The following SOX6 variants were observed in gnomAD, a reference collection of about 807,000 sequenced individuals.
SOX6 encodes the protein SRY-box transcription factor 6, also known as transcription factor SOX-6.
Under a neutral mutation model 97.8 loss-of-function variants are expected in SOX6, and 11 were observed. The ratio of observed to expected loss-of-function variants is 0.11; its 90% CI spans 0.07 to 0.19. The LOEUF (loss-of-function observed/expected upper bound fraction) is 0.19. Among genes scored for constraint, SOX6 ranks in the 10% least tolerant of loss-of-function variants. The pLI, the probability that SOX6 is intolerant of heterozygous loss-of-function variation, is 1.00. For missense variants in SOX6, 810 were observed against 1,039.5 expected (o/e 0.78, Z 3.04); for synonymous variants, 360 against 371.4 (o/e 0.97, Z 0.35).
chr11:16,246,100 G>A (rs1227967763), intron 3 of SOX6, among the ~76,000 whole-genome samples: 1 of 150,810 alleles, frequency 6.6e-6, no homozygotes, highest in East Asian at 2.0e-4. Context: ...TTGATCCAGG[G>A]TTTATTATAT....
chr11:16,167,464 G>A (rs1850916852), intron 6 of SOX6, among the ~76,000 whole-genome samples: 1 of 152,066 alleles, frequency 6.6e-6, no homozygotes, highest in African/African-American at 2.4e-5. Context: ...CAAAACCCAA[G>A]TCAGGGCACG....
At chr11:16,671,672 C>T (rs961563204) in intron 3 of SOX6, among the ~76,000 whole-genome samples, 5 of 152,174 alleles carry the variant, frequency 3.3e-5, no homozygotes, top group African/African-American at 7.2e-5. Context: ...ATCTACTAAT[C>T]GTTGGCATCC....
chr11:16,479,710 A>G (rs1384879488), upstream of SOX6, among the ~76,000 whole-genome samples: 1 of 152,050 alleles, frequency 6.6e-6, no homozygotes, highest in Non-Finnish European at 1.5e-5. Flanking sequence ...CTGGACAAAA[A>G]CTGGTATTGG....
At chr11:16,284,621 C>G (rs1854677859) in intron 3 of SOX6, among the ~76,000 whole-genome samples, 1 of 152,078 alleles carries the variant, frequency 6.6e-6, no homozygotes, top group Non-Finnish European at 1.5e-5. Flanking sequence ...AAACACGGTG[C>G]CCTTCCCTGG....
At chr11:16,304,707 A>G (rs1407112153) in intron 3 of SOX6, among the ~76,000 whole-genome samples, 1 of 152,160 alleles carries the variant, frequency 6.6e-6, no homozygotes, top group Non-Finnish European at 1.5e-5. Flanking sequence ...TTGTTGACTC[A>G]TTAGTTCTAA....
chr11:16,421,149 T>G (rs964358327), intron 1 of SOX6, among the ~76,000 whole-genome samples: 3 of 152,244 alleles, frequency 2.0e-5, no homozygotes, highest in Admixed American at 1.3e-4. Flanking sequence ...CGAGCAAATA[T>G]GAAGACAATT....
At chr11:16,503,171 G>A (rs1200146880) in intron 4 of SOX6, among the ~76,000 whole-genome samples, 10 of 151,330 alleles carry the variant, frequency 6.6e-5, no homozygotes, top group African/African-American at 2.4e-4. Context: ...AAAACTGAGG[G>A]AATTCATCAC....
At chr11:16,103,263 T>C (rs1406743113) in intron 7 of SOX6, among the ~76,000 whole-genome samples, 2 of 151,506 alleles carry the variant, frequency 1.3e-5, no homozygotes, top group Non-Finnish European at 2.9e-5. Context: ...CCAATGATCA[T>C]ATAAAAAAAA....
intron 2 of SOX6, among the ~76,000 whole-genome samples, chr11:16,336,966 C>T (rs951695868): frequency 6.6e-6 from 1 of 152,138 alleles, no homozygotes; most frequent in African/African-American, 2.4e-5. Flanking sequence ...CAGTAATTCT[C>T]TATCACATGT....
chr11:16,152,803 A>G (rs1400943085), intron 6 of SOX6, among the ~76,000 whole-genome samples: 1 of 151,900 alleles, frequency 6.6e-6, no homozygotes, highest in East Asian at 1.9e-4. Flanking sequence ...TCTATCGCCC[A>G]GGCGATTCTC....
chr11:16,104,700 TG>T (rs1468295820), intron 7 of SOX6, among the ~76,000 whole-genome samples: 2 of 151,620 alleles, frequency 1.3e-5, no homozygotes, highest in Admixed American at 6.6e-5. Flanking sequence ...AAACAAATGG[TG>T]CTCAATAAAT....
rs59320140 is a variant in SOX6 at position 16,567,561 on chromosome 11, C to CTTTTTTTTTT, written n.609+44510_609+44519dup. 1.4e-3 allele frequency among the ~76,000 whole-genome samples: 122 copies of CTTTTTTTTTT among 87,326 alleles called. 2 individuals carry two copies. The highest frequency in any genetic ancestry group is 1.9e-3 in the Admixed American group (12 of 6,348). 57.3% of individuals were successfully genotyped at this position (87,326 alleles called of 152,430 possible). ...TATTAATGGTATGTCATATTTTTTT[C>CTTTTTTTTTT]TTTTTTTTTTTTTTTTTTTTTTTTT... On this transcript the variant is annotated intron_variant and non_coding_transcript_variant, in intron 4 of 5. Transcript: ENST00000524520.
At chr11:16,328,430 G>A (rs1856171663) in intron 2 of SOX6, among the ~76,000 whole-genome samples, 1 of 152,128 alleles carries the variant, frequency 6.6e-6, no homozygotes, top group Non-Finnish European at 1.5e-5. Context: ...ACCATGGACT[G>A]GCAACTCAAC....
intron 7 of SOX6, among the ~76,000 whole-genome samples, chr11:16,110,037 T>A (rs1849191154): frequency 6.6e-6 from 1 of 152,188 alleles, no homozygotes; most frequent in South Asian, 2.1e-4. Flanking sequence ...ATCTCATTAA[T>A]GCTGTTAGAG....
intron 4 of SOX6, among the ~76,000 whole-genome samples, chr11:16,592,468 A>C (rs1848165125): frequency 6.6e-6 from 1 of 151,856 alleles, no homozygotes; most frequent in South Asian, 2.1e-4. Context: ...TTAATTATCA[A>C]ACATATTTAC....
At chr11:16,479,210 G>A (rs553045243), upstream of SOX6, among the ~76,000 whole-genome samples, 12 of 152,230 alleles carry the variant, frequency 7.9e-5, no homozygotes, top group African/African-American at 2.6e-4. Flanking sequence ...AATAAAAAAT[G>A]CATTGCTACA....
intron 3 of SOX6, among the ~76,000 whole-genome samples, chr11:16,644,578 G>A (rs1390160420): frequency 6.6e-6 from 1 of 151,266 alleles, no homozygotes; most frequent in Non-Finnish European, 1.5e-5. Context: ...TCATTCCAAG[G>A]TTATTGGGGG....
intron 7 of SOX6, among the ~76,000 whole-genome samples, chr11:16,109,384 G>A (rs1490704702): frequency 2.0e-5 from 3 of 151,940 alleles, no homozygotes; most frequent in Non-Finnish European, 4.4e-5. Flanking sequence ...AATCTTTTTA[G>A]AGACAAGGGC....
At chr11:16,318,752 T>C (rs563854386) in intron 2 of SOX6, 99 bp from the exon 3 acceptor site, 52 of 807,256 alleles carry the variant, frequency 6.4e-5, no homozygotes, top group Non-Finnish European at 9.3e-5. Context: ...TGATGCTTAG[T>C]AGGACAAATA....
Sources: allele counts gnomAD v4.1 joint callset (sites outside exome capture counted in the v4.1 genomes callset), GRCh38; gene constraint gnomAD v4.1.1; transcripts MANE v1.5; gene names NCBI Gene and HGNC (gene_info 2026-07-23, HGNC 2026-07-21).